The following GAN variants were observed in gnomAD, a reference collection of about 807,000 sequenced individuals.
GAN encodes gigaxonin, also known as epididymis secretory sperm binding protein.
In GAN, 48 loss-of-function variants were observed where a neutral mutation model predicts 71.3. That is an observed-to-expected ratio of 0.67 (90% CI 0.53 to 0.86). The LOEUF is 0.86. GAN is among the 40% of genes least tolerant of loss of function. The pLI, the probability that GAN is intolerant of heterozygous loss-of-function variation, is 0.00. For synonymous variants in GAN, 386 were observed against 276.8 expected (o/e 1.39, Z -3.92); for missense variants, 928 against 770.1 (o/e 1.21, Z -2.43).
intron 6 of GAN, among the ~76,000 whole-genome samples, chr16:81,363,448 G>C (rs991634077): frequency 4.6e-5 from 7 of 150,962 alleles, no homozygotes; most frequent in African/African-American, 1.7e-4. Flanking sequence ...GGTTTTGAAC[G>C]TGGTACTTCC....
Position 81,365,426 on chromosome 16 carries a change from G to A in GAN, c.1450G>A (p.Gly484Ser), listed in dbSNP as rs542067662. The A allele has an allele frequency of 1.2e-6, 2 of 1,613,704 alleles. No individual in the cohort carries two copies. Among genetic ancestry groups the A allele is most frequent in the South Asian group, 1.1e-5 (1 of 91,048 alleles). ...GGVRSREDAQ[G>S]SEMVTCKSEF... ...AGTCCGAAGTCGTGAGGACGCCCAG[G>A]GTAGCGAGATGGTAACTTGCAAGTC... Residue 484 changes from glycine (G) to serine (S), a missense_variant, in exon 9 of 11, where the codon GGT becomes AGT. By Grantham distance (56) the Gly-to-Ser change is moderately conservative. Coordinates refer to ENST00000648994, the MANE Select transcript of GAN (RefSeq NM_022041.4).
Position 81,372,093 on chromosome 16 carries a change from C to G in GAN, c.1503-5126C>G, listed in dbSNP as rs1911053344. ...CTTCCTCTCTCCTTTCCTGTCATTC[C>G]CCTTCTACTTCCCTGTCTCTGAAGT... On this transcript the variant is annotated intron_variant, in intron 9 of 10. Transcript: ENST00000648994. The G allele has an allele frequency of 1.3e-5, 2 of 152,170 alleles. 1 individual carries two copies. Among genetic ancestry groups the G allele is most frequent in the South Asian group, 4.1e-4 (2 of 4,832 alleles). The allele number at this position is 152,170 out of a possible 1,614,324, so 9.4% of individuals were successfully genotyped here.
intron 1 of GAN, among the ~76,000 whole-genome samples, chr16:81,330,355 TGAG>T (rs981021372): frequency 4.6e-5 from 7 of 152,138 alleles, no homozygotes; most frequent in African/African-American, 1.7e-4. Context: ...CAGAAAGCAC[TGAG>T]GAGCTCAGAA....
chr16:81,366,962 C>A (rs1910878351), intron 9 of GAN, among the ~76,000 whole-genome samples: 1 of 152,090 alleles, frequency 6.6e-6, no homozygotes, highest in South Asian at 2.1e-4. Context: ...GTAGCTGGGA[C>A]TACAGGCGCA....
chr16:81,377,275 A>G lies in GAN; in HGVS notation c.1559A>G (p.Tyr520Cys). 6.2e-7 allele frequency: 1 copy of G among 1,612,206 alleles called. No homozygotes were observed. Among genetic ancestry groups the G allele is most frequent in the Non-Finnish European group, 8.5e-7 (1 of 1,178,262 alleles). ...ATCCCCGCCAGTTCCTCTTTTGTTT[A>G]TGGAGCTGTACCTATAGGAGCCAGT... ...LCIPASSSFV[Y>C]GAVPIGASIY... Residue 520 changes from tyrosine (Y) to cysteine (C), a missense_variant, in exon 10 of 11, where the codon TAT (tyrosine) becomes TGT (cysteine). By Grantham distance (194) the Tyr-to-Cys change is radical (BLOSUM62 -2). Transcript: ENST00000648994.
intron 1 of GAN, among the ~76,000 whole-genome samples, chr16:81,348,163 C>G (rs11861322): frequency 0.021 from 3,199 of 152,242 alleles, 56 homozygotes; most frequent in East Asian, 0.082. Context: ...CTGCCTTTGT[C>G]TCTTTGTTCT....
chr16:81,353,290 T>TGAAAAAAAAAAAAAAAAAAAAAAAA lies in GAN; in HGVS notation c.283-1115_283-1114insGAAAAAAAAAAAAAAAAAAAAAAAA, dbSNP rs1169588641. ...GTGGGCGACAGAGCGAGACTCCGTC[T>TGAAAAAAAAAAAAAAAAAAAAAAAA]CAAAAAAAAAAAAAAACGATAGTTG... On this transcript the variant is annotated intron_variant, in intron 2 of 10. Transcript: ENST00000648994. Among the ~76,000 whole-genome samples the TGAAAAAAAAAAAAAAAAAAAAAAAA allele has an allele frequency of 2.5e-3, 72 of 28,510 alleles. 1 individual carries two copies. Among genetic ancestry groups the TGAAAAAAAAAAAAAAAAAAAAAAAA allele is most frequent in the African/African-American group, 0.013 (69 of 5,404 alleles). The allele number at this position is 28,510 out of a possible 152,430, so 18.7% of individuals were successfully genotyped here.
intron 9 of GAN, among the ~76,000 whole-genome samples, chr16:81,368,113 C>G (rs780749525): frequency 6.6e-6 from 1 of 152,144 alleles, no homozygotes; most frequent in Non-Finnish European, 1.5e-5. Flanking sequence ...GGAAAAAAGC[C>G]ATATCTTATT....
chr16:81,334,010 C>A (rs1909672135), intron 1 of GAN, among the ~76,000 whole-genome samples: 1 of 152,214 alleles, frequency 6.6e-6, no homozygotes, highest in African/African-American at 2.4e-5. Flanking sequence ...TTCACACTTG[C>A]CATGTTCTCT....
At chr16:81,361,373 T>C (rs1345521988) in intron 5 of GAN, among the ~76,000 whole-genome samples, 2 of 144,874 alleles carry the variant, frequency 1.4e-5, no homozygotes, top group Non-Finnish European at 1.5e-5. Flanking sequence ...CACTACTAAT[T>C]TGGTATTAAC....
At chr16:81,357,062 A>C (rs1910514510) in intron 4 of GAN, 60 bp downstream of exon 4, 2 of 1,002,266 alleles carry the variant, frequency 2.0e-6, no homozygotes. Context: ...GTTCCATGTA[A>C]ACAAGAATTC....
chr16:81,333,969 T>A (rs989970444), intron 1 of GAN, among the ~76,000 whole-genome samples: 2 of 152,252 alleles, frequency 1.3e-5, no homozygotes, highest in Non-Finnish European at 2.9e-5. Context: ...TGCAGAAGTT[T>A]CATTGCACTG....
chr16:81,354,207 C>G (rs1433257265), intron 2 of GAN, among the ~76,000 whole-genome samples, 198 bp from the exon 3 acceptor site: 1 of 149,674 alleles, frequency 6.7e-6, no homozygotes, highest in Non-Finnish European at 1.5e-5. Context: ...TAACCAAGCA[C>G]ACATTTGCTT....
At chr16:81,324,404 C>T (rs1909313549) in intron 1 of GAN, among the ~76,000 whole-genome samples, 1 of 151,980 alleles carries the variant, frequency 6.6e-6, no homozygotes, top group African/African-American at 2.4e-5. Context: ...CGAGGTGGTG[C>T]CATTGAAACT....
intron 1 of GAN, among the ~76,000 whole-genome samples, chr16:81,343,892 C>T (rs149397393): frequency 9.2e-5 from 14 of 152,194 alleles, no homozygotes; most frequent in Non-Finnish European, 1.9e-4. Context: ...CCAAAATCTT[C>T]TTAAGCTGAT....
intron 1 of GAN, among the ~76,000 whole-genome samples, chr16:81,349,722 T>C (rs886522067): frequency 5.9e-5 from 9 of 152,234 alleles, no homozygotes; most frequent in African/African-American, 1.9e-4. Flanking sequence ...TCTGATCCTT[T>C]GTTGACTTTA....
At chr16:81,332,188 A>C (rs1343569178) in intron 1 of GAN, among the ~76,000 whole-genome samples, 2 of 151,972 alleles carry the variant, frequency 1.3e-5, no homozygotes, top group African/African-American at 2.4e-5. Context: ...AAAAAGAAAA[A>C]AAAGAAGCTC....
chr16:81,351,452 C>T (rs778262818), intron 1 of GAN, 131 bp from the exon 2 acceptor site: 24 of 645,970 alleles, frequency 3.7e-5, no homozygotes, highest in African/African-American at 5.5e-5. Context: ...CTAAAGTTAA[C>T]GAACTAAATT....
intron 5 of GAN, among the ~76,000 whole-genome samples, chr16:81,360,693 A>C (rs1910644523): frequency 6.6e-6 from 1 of 151,920 alleles, no homozygotes; most frequent in Non-Finnish European, 1.5e-5. Context: ...GTTATCTTCC[A>C]GTTAATTTTT....
Sources: gnomAD v4.1 joint callset for allele counts (sites outside exome capture counted in the v4.1 genomes callset) on GRCh38, gnomAD v4.1.1 for gene constraint, MANE v1.5 for transcripts, NCBI Gene and HGNC (gene_info 2026-07-23, HGNC 2026-07-21) for gene names.